SNX18: variants seen among roughly 807,000 people sequenced by gnomAD.
The protein encoded by SNX18 is sorting nexin 18, also known as sorting nexin-18.
Under a neutral mutation model 48.7 loss-of-function variants are expected in SNX18, and 35 were observed. The observed-to-expected ratio is 0.72, with a 90% CI of 0.55 to 0.95. The LOEUF (loss-of-function observed/expected upper bound fraction) is 0.95. Among genes scored for constraint, SNX18 ranks in the 40% least tolerant of loss-of-function variants. SNX18 has a pLI of 0.00. For synonymous variants in SNX18, 492 were observed against 384.7 expected, an observed-to-expected ratio of 1.28 and a Z score of -3.26; for missense variants, 824 against 871.0, an observed-to-expected ratio of 0.95 and a Z score of 0.68.
intron 1 of SNX18, among the ~76,000 whole-genome samples, chr5:54,524,230 A>G (rs1762085018): frequency 6.6e-6 from 1 of 152,136 alleles, no homozygotes; most frequent in Admixed American, 6.5e-5. Flanking sequence ...TTAAAATATA[A>G]ATGTGACTGC....
chr5:54,599,624 G>C, the SNX18 span, among the ~76,000 whole-genome samples: 5 of 152,084 alleles, frequency 3.3e-5, no homozygotes, highest in African/African-American at 1.2e-4. Flanking sequence ...CATGGTACTG[G>C]TACAAAAACA....
At chr5:54,575,415 C>T in the SNX18 span, among the ~76,000 whole-genome samples, 2 of 146,640 alleles carry the variant, frequency 1.4e-5, no homozygotes, top group African/African-American at 5.1e-5. Flanking sequence ...CTCTGTCACC[C>T]AGGCTAAAGT....
the SNX18 span, among the ~76,000 whole-genome samples, chr5:54,642,842 T>A: frequency 6.6e-6 from 1 of 152,186 alleles, no homozygotes; most frequent in South Asian, 2.1e-4. Flanking sequence ...GGGTATATGA[T>A]AGATCAGCTC....
chr5:54,538,584 A>C (rs61653479), intron 1 of SNX18, among the ~76,000 whole-genome samples: 1 of 152,156 alleles, frequency 6.6e-6, no homozygotes, highest in African/African-American at 2.4e-5. Flanking sequence ...TTGTGAGATG[A>C]ATTTTTTAAA....
chr5:54,580,650 TGCAGA>T, the SNX18 span, among the ~76,000 whole-genome samples: 1 of 152,310 alleles, frequency 6.6e-6, no homozygotes, highest in East Asian at 1.9e-4. Context: ...AAATGACTAG[TGCAGA>T]AAAAGAAAAA....
At chr5:54,598,004 A>G in the SNX18 span, among the ~76,000 whole-genome samples, 2 of 152,194 alleles carry the variant, frequency 1.3e-5, no homozygotes, top group Admixed American at 1.3e-4. Context: ...CTAGACTAAT[A>G]AAGAAGAAAA....
At chr5:54,557,519 A>G in the SNX18 span, among the ~76,000 whole-genome samples, 1 of 152,226 alleles carries the variant, frequency 6.6e-6, no homozygotes, top group Non-Finnish European at 1.5e-5. Context: ...TAAGCCAACC[A>G]CAAAAAGACA....
the SNX18 span, chr5:54,644,498 T>A: frequency 6.6e-6 from 1 of 152,212 alleles, no homozygotes; most frequent in South Asian, 2.1e-4. Flanking sequence ...CCAGCATTCA[T>A]TCCCCCTCTT....
At chr5:54,571,657 C>CT in the SNX18 span, among the ~76,000 whole-genome samples, 1 of 152,198 alleles carries the variant, frequency 6.6e-6, no homozygotes, top group African/African-American at 2.4e-5. Context: ...AGAATTTCCC[C>CT]TTTTCTCTTG....
the SNX18 span, among the ~76,000 whole-genome samples, chr5:54,615,732 G>GA: frequency 7.4e-3 from 1,119 of 152,160 alleles, 13 homozygotes; most frequent in East Asian, 0.027. Flanking sequence ...AGCTCTGGAG[G>GA]AAAAAAATGT....
chr5:54,624,184 T>A, the SNX18 span, among the ~76,000 whole-genome samples: 1 of 152,190 alleles, frequency 6.6e-6, no homozygotes, highest in Non-Finnish European at 1.5e-5. Context: ...TACTATATAG[T>A]ATCAATCATA....
At position 54,521,476 on chromosome 5, in the gene SNX18, ATT is replaced by A. The variant is rs1334533442; in HGVS notation, c.1621+1904_1621+1905del. ...CATTTTGGGAGGTCGAGGCAGGAGG[ATT>A]GCCTTAAGGCCAGGAGTTCGAGACC... On this transcript the variant is annotated intron_variant, in intron 1 of 1. Coordinates refer to ENST00000381410, the MANE Select transcript of SNX18 (RefSeq NM_001102575.2). Among the ~76,000 whole-genome samples, 7 of 152,228 alleles carry A rather than the reference ATT, an allele frequency of 4.6e-5. No individual in the cohort carries two copies. The East Asian group carries it at 9.7e-4, about 21-fold the overall frequency.
At chr5:54,588,675 GC>G in the SNX18 span, among the ~76,000 whole-genome samples, 1 of 152,120 alleles carries the variant, frequency 6.6e-6, no homozygotes, top group African/African-American at 2.4e-5. Flanking sequence ...TGGGATGCGT[GC>G]ACCTGTTGAG....
the SNX18 span, among the ~76,000 whole-genome samples, chr5:54,579,340 T>TA: frequency 0.99 from 146,432 of 147,486 alleles, 72,691 homozygotes; most frequent in Non-Finnish European, 1. Context: ...CAGACCCTGT[T>TA]AAAAAAAAAA....
chr5:54,646,856 A>T, the SNX18 span, among the ~76,000 whole-genome samples: 2 of 152,336 alleles, frequency 1.3e-5, no homozygotes, highest in African/African-American at 4.8e-5. Context: ...ATCAAAACAC[A>T]GGGTGAAACC....
chr5:54,592,737 T>A, the SNX18 span, among the ~76,000 whole-genome samples: 4 of 152,212 alleles, frequency 2.6e-5, no homozygotes, highest in African/African-American at 9.6e-5. Flanking sequence ...CAATGTAAGA[T>A]GATAATGACG....
At chr5:54,527,002 C>G (rs1226898793) in intron 1 of SNX18, among the ~76,000 whole-genome samples, 1 of 151,662 alleles carries the variant, frequency 6.6e-6, no homozygotes, top group Non-Finnish European at 1.5e-5. Flanking sequence ...AAGTAAGGCC[C>G]TGGGGTGGAC....
chr5:54,628,274 G>A, the SNX18 span, among the ~76,000 whole-genome samples: 1 of 152,152 alleles, frequency 6.6e-6, no homozygotes, highest in Non-Finnish European at 1.5e-5. Flanking sequence ...GAATCAAAAG[G>A]TGAGGTCTGA....
At chr5:54,630,829 CAAAAAA>C in the SNX18 span, among the ~76,000 whole-genome samples, 21 of 94,514 alleles carry the variant, frequency 2.2e-4, no homozygotes, top group African/African-American at 7.7e-4. Context: ...AAGACTCAGT[CAAAAAA>C]AAAAAAAAAA....
Sources: gnomAD v4.1 joint callset for allele counts (sites outside exome capture counted in the v4.1 genomes callset) on GRCh38, gnomAD v4.1.1 for gene constraint, MANE v1.5 for transcripts, NCBI Gene and HGNC (gene_info 2026-07-23, HGNC 2026-07-21) for gene names.